The following HIVEP3 variants were observed in gnomAD, a reference collection of about 807,000 sequenced individuals.
HIVEP3 encodes HIVEP zinc finger 3, also known as transcription factor HIVEP3.
Under a neutral mutation model 152.8 loss-of-function variants are expected in HIVEP3, and 49 were observed. The ratio of observed to expected loss-of-function variants is 0.32; its 90% CI spans 0.26 to 0.41. HIVEP3 has a LOEUF of 0.41. Among genes scored for constraint, HIVEP3 ranks in the 10% least tolerant of loss-of-function variants. HIVEP3 has a pLI of 1.00. For missense variants in HIVEP3, 2,790 were observed against 3,103.3 expected (o/e 0.90, Z 2.40); for synonymous variants, 1,269 against 1,289.0 (o/e 0.98, Z 0.33).
intron 1 of HIVEP3, among the ~76,000 whole-genome samples, chr1:41,909,140 G>T (rs1488446843): frequency 6.6e-6 from 1 of 152,046 alleles, no homozygotes; most frequent in Non-Finnish European, 1.5e-5. Context: ...GTGTTGGAGA[G>T]AAAATAACTG....
At chr1:41,656,602 A>C (rs1314134242) in intron 2 of HIVEP3, among the ~76,000 whole-genome samples, 1 of 152,212 alleles carries the variant, frequency 6.6e-6, no homozygotes, top group Non-Finnish European at 1.5e-5. Context: ...TGACTCTCCA[A>C]AGCAGCAATG....
intron 1 of HIVEP3, among the ~76,000 whole-genome samples, chr1:41,880,300 C>T (rs569366861): frequency 6.6e-6 from 1 of 152,122 alleles, no homozygotes; most frequent in Non-Finnish European, 1.5e-5. Context: ...CTCAGCCTCC[C>T]GAAGTGCTGG....
chr1:41,850,688 C>A (rs1570665343), intron 1 of HIVEP3, among the ~76,000 whole-genome samples: 1 of 152,176 alleles, frequency 6.6e-6, no homozygotes, highest in East Asian at 1.9e-4. Flanking sequence ...ATGATGGAAG[C>A]AATTCTTGGT....
intron 1 of HIVEP3, among the ~76,000 whole-genome samples, chr1:41,806,784 C>T (rs575660563): frequency 1.4e-3 from 215 of 152,286 alleles, no homozygotes; most frequent in African/African-American, 4.8e-3. Context: ...AGGGAAGGGG[C>T]ATCTCAGGAC....
Position 41,524,907 on chromosome 1 carries a change from G to A in HIVEP3, c.5211C>T (p.Tyr1737=). ...CATATACATACTCTTCGTTTGATTT[G>A]TACCTATGAGCAACAGGCGTCATAG... ...PARIKIFEGG[Y]KSNEEYVYVR... Residue 1737 remains tyrosine, a synonymous_variant, in exon 6 of 9, where the codon TAC becomes TAT. Coordinates refer to ENST00000372583, the MANE Select transcript of HIVEP3 (RefSeq NM_024503.5). 1.2e-6 allele frequency: 2 copies of A among 1,612,434 alleles called. No individual in the cohort carries two copies. Among genetic ancestry groups the A allele is most frequent in the Non-Finnish European group, 1.7e-6 (2 of 1,178,872 alleles).
chr1:41,947,248 C>G (rs1645080156), intron 1 of HIVEP3, among the ~76,000 whole-genome samples: 1 of 152,210 alleles, frequency 6.6e-6, no homozygotes, highest in South Asian at 2.1e-4. Flanking sequence ...CTTTTAGCCA[C>G]CCGTTCAGAA....
intron 1 of HIVEP3, among the ~76,000 whole-genome samples, chr1:41,968,321 C>T (rs1042371923): frequency 1.3e-5 from 2 of 152,068 alleles, no homozygotes; most frequent in Non-Finnish European, 2.9e-5. Flanking sequence ...AAAATACTGG[C>T]AAACAAAATC....
intron 1 of HIVEP3, among the ~76,000 whole-genome samples, chr1:42,000,719 G>A (rs1014169102): frequency 1.3e-5 from 2 of 152,148 alleles, no homozygotes; most frequent in African/African-American, 4.8e-5. Flanking sequence ...TTTCAAATCA[G>A]CACCCAAAAA....
At chr1:41,696,117 T>C (rs1349301750) in intron 2 of HIVEP3, among the ~76,000 whole-genome samples, 5 of 152,248 alleles carry the variant, frequency 3.3e-5, no homozygotes, top group Non-Finnish European at 7.3e-5. Context: ...TTGTACCTAC[T>C]TGACAAATGT....
At chr1:41,925,602 G>A (rs12091113) in intron 1 of HIVEP3, among the ~76,000 whole-genome samples, 7,999 of 152,100 alleles carry the variant, frequency 0.053, 648 homozygotes, top group African/African-American at 0.17. Flanking sequence ...TAGTGGACCC[G>A]TACAGTTCAA....
At chr1:41,931,211 G>T (rs970376560) in intron 1 of HIVEP3, among the ~76,000 whole-genome samples, 2 of 151,802 alleles carry the variant, frequency 1.3e-5, no homozygotes, top group Non-Finnish European at 2.9e-5. Flanking sequence ...ATTTTCTCCT[G>T]TGATTTTTTT....
intron 3 of HIVEP3, among the ~76,000 whole-genome samples, chr1:41,611,117 T>G (rs1474337172): frequency 2.0e-5 from 3 of 152,190 alleles, no homozygotes. Flanking sequence ...CTAGTGTATG[T>G]TACACTCCTG....
rs1324944569 is a variant in HIVEP3 at position 41,517,276 on chromosome 1, C to T, written c.5470+1126G>A. On this transcript the variant is annotated intron_variant, in intron 7 of 8. Coordinates refer to ENST00000372583, the MANE Select transcript of HIVEP3 (RefSeq NM_024503.5). ...CTTGGGCTATTTTTACCTGTCTGAG[C>T]TTTGACTTCCCTGACTTAACATGAG... Among the ~76,000 whole-genome samples the T allele has an allele frequency of 1.2e-4, 18 of 152,278 alleles. No homozygotes were observed. In the East Asian group the frequency reaches 3.1e-3, roughly 26 times the overall value.
intron 5 of HIVEP3, among the ~76,000 whole-genome samples, chr1:41,535,136 G>A (rs373727783): frequency 2.0e-5 from 3 of 152,218 alleles, no homozygotes; most frequent in East Asian, 1.9e-4. Context: ...ATTTTACCAC[G>A]CAGCACCCTG....
chr1:41,797,388 C>G (rs749989876), intron 1 of HIVEP3, among the ~76,000 whole-genome samples: 10 of 152,248 alleles, frequency 6.6e-5, no homozygotes, highest in Non-Finnish European at 1.2e-4. Context: ...TCCACCCCAG[C>G]AGTCCTGGCT....
intron 1 of HIVEP3, among the ~76,000 whole-genome samples, chr1:41,826,467 G>A (rs1570617981): frequency 6.6e-6 from 1 of 152,174 alleles, no homozygotes; most frequent in African/African-American, 2.4e-5. Context: ...AGGCTGGAGT[G>A]CAATGGCACA....
chr1:41,738,450 A>G (rs1171539273), intron 1 of HIVEP3, among the ~76,000 whole-genome samples: 1 of 152,164 alleles, frequency 6.6e-6, no homozygotes, highest in Non-Finnish European at 1.5e-5. Context: ...GTAAGTTCTG[A>G]TACATGCTAT....
intron 1 of HIVEP3, among the ~76,000 whole-genome samples, chr1:41,808,510 G>A (rs2124323782): frequency 6.6e-6 from 1 of 152,340 alleles, no homozygotes; most frequent in East Asian, 1.9e-4. Context: ...ACAATTTGTT[G>A]ACTTAATCAG....
chr1:41,940,563 A>G (rs1645040530), intron 1 of HIVEP3, among the ~76,000 whole-genome samples: 1 of 152,240 alleles, frequency 6.6e-6, no homozygotes, highest in South Asian at 2.1e-4. Context: ...GAAAGAGACA[A>G]AAATGTTTAC....
Sources: gnomAD v4.1 joint callset for allele counts (sites outside exome capture counted in the v4.1 genomes callset) on GRCh38, gnomAD v4.1.1 for gene constraint, MANE v1.5 for transcripts, NCBI Gene and HGNC (gene_info 2026-07-23, HGNC 2026-07-21) for gene names.